Variants in LMO7 observed in about 807,000 individuals in gnomAD.
LMO7 encodes LIM domain 7, also known as LIM domain only protein 7.
LMO7 carries 120 observed loss-of-function variants against 206.5 expected under a neutral mutation model. The observed-to-expected ratio is 0.58, with a 90% CI of 0.50 to 0.68. LMO7 has a LOEUF of 0.68. Ranked by LOEUF, LMO7 falls within the 30% of genes least tolerant of loss-of-function variation. LMO7 has a pLI of 0.00. For missense variants in LMO7, 1,959 were observed against 1,957.9 expected, an observed-to-expected ratio of 1.00 and a Z score of -0.01; for synonymous variants, 706 against 681.5, an observed-to-expected ratio of 1.04 and a Z score of -0.56.
chr13:75,761,993 TA>T (rs1442321229), intron 4 of LMO7, among the ~76,000 whole-genome samples: 15 of 152,178 alleles, frequency 9.9e-5, no homozygotes, highest in Non-Finnish European at 4.4e-5. Context: ...GATGACCAAT[TA>T]TTTTTTCTGA....
intron 2 of LMO7, among the ~76,000 whole-genome samples, chr13:75,626,412 T>A (rs1354266452): frequency 2.0e-5 from 3 of 149,206 alleles, no homozygotes; most frequent in Admixed American, 6.7e-5. Context: ...TCGTGAGACT[T>A]ATTCACTATG....
chr13:75,725,858 T>G (rs746691026), intron 2 of LMO7, among the ~76,000 whole-genome samples: 1 of 152,092 alleles, frequency 6.6e-6, no homozygotes, highest in African/African-American at 2.4e-5. Flanking sequence ...TTTTATAATT[T>G]TGAATCCTGT....
intron 9 of LMO7, 30 bp downstream of exon 9, chr13:75,805,790 C>T: frequency 6.2e-7 from 1 of 1,605,650 alleles, no homozygotes; most frequent in Non-Finnish European, 8.5e-7. Context: ...TCTGTCACAC[C>T]AGTGTTCATT....
chr13:75,679,744 G>A (rs1272658364), intron 1 of LMO7, among the ~76,000 whole-genome samples: 3 of 152,110 alleles, frequency 2.0e-5, no homozygotes, highest in Non-Finnish European at 4.4e-5. Flanking sequence ...ACCACATTCA[G>A]TTAATTTTTG....
At chr13:75,727,164 G>T (rs1211154160) in intron 3 of LMO7, 66 bp downstream of exon 3, 2 of 1,006,200 alleles carry the variant, frequency 2.0e-6, no homozygotes, top group Non-Finnish European at 3.0e-6. Context: ...GTGGGCATAG[G>T]CAGATTTTTG....
intron 4 of LMO7, among the ~76,000 whole-genome samples, chr13:75,785,599 A>G (rs1416081280): frequency 6.6e-6 from 1 of 152,160 alleles, no homozygotes; most frequent in Non-Finnish European, 1.5e-5. Flanking sequence ...AAATTTTTCA[A>G]AGTTTAAGTA....
chr13:75,854,261 T>C (rs959886953), intron 28 of LMO7, among the ~76,000 whole-genome samples: 18 of 152,346 alleles, frequency 1.2e-4, no homozygotes, highest in African/African-American at 3.4e-4. Context: ...TTTAAAGCCA[T>C]CAGATAAGAG....
chr13:75,743,801 A>G (rs1465704060), intron 3 of LMO7, among the ~76,000 whole-genome samples: 3 of 152,156 alleles, frequency 2.0e-5, no homozygotes, highest in Admixed American at 1.3e-4. Flanking sequence ...CCCCCATGAC[A>G]TGAATTTACC....
At chr13:75,838,064 A>G (rs2059271127) in intron 19 of LMO7, 76 bp from the exon 20 acceptor site, 3 of 815,496 alleles carry the variant, frequency 3.7e-6, no homozygotes, top group Admixed American at 2.1e-5. Flanking sequence ...TTGGAAAGGT[A>G]TATCAAGTAT....
At chr13:75,825,203 TAA>T (rs1326605362) in intron 15 of LMO7, among the ~76,000 whole-genome samples, 2 of 152,348 alleles carry the variant, frequency 1.3e-5, no homozygotes, top group South Asian at 4.1e-4. Flanking sequence ...ATTAACATGC[TAA>T]GTCTCAGTGG....
At chr13:75,776,170 T>TATATATATATATATATATCGG (rs2050410834) in intron 4 of LMO7, among the ~76,000 whole-genome samples, 4 of 42,484 alleles carry the variant, frequency 9.4e-5, no homozygotes, top group African/African-American at 4.5e-4. Context: ...CGGATATATA[T>TATATATATATATATATATCGG]ATATATATAT....
rs569279517 is a variant in LMO7 at position 75,734,940 on chromosome 13, A to T, written c.210+7842A>T. 2.6e-5 allele frequency among the ~76,000 whole-genome samples: 4 copies of T among 152,264 alleles called. No individual in the cohort carries two copies. In the South Asian group the frequency reaches 8.3e-4, roughly 32 times the overall value. On this transcript the variant is annotated intron_variant, in intron 3 of 30. Transcript: ENST00000377534. ...CGGTGAAACCCTGTCTCTACTAAAA[A>T]TACAAAAATTAGCCAGGTATGGCTC... is the stretch of plus-strand genomic sequence containing the variant.
At chr13:75,650,219 TC>T (rs1168575524) in intron 1 of LMO7, among the ~76,000 whole-genome samples, 1 of 152,172 alleles carries the variant, frequency 6.6e-6, no homozygotes, top group East Asian at 1.9e-4. Context: ...AACCTCCACC[TC>T]TTGGGTTCAA....
intron 4 of LMO7, among the ~76,000 whole-genome samples, chr13:75,793,858 C>T (rs542073377): frequency 6.6e-6 from 1 of 152,202 alleles, no homozygotes; most frequent in South Asian, 2.1e-4. Context: ...ACTACCCTGA[C>T]TTCTAACAGC....
chr13:75,834,233 A>G lies in LMO7; in HGVS notation c.3072A>G (p.Pro1024=), dbSNP rs777797566. 1 of 1,590,700 alleles carries G rather than the reference A, an allele frequency of 6.3e-7. No individual in the cohort carries two copies. The highest frequency in any genetic ancestry group is 2.3e-5 in the East Asian group (1 of 43,618). Residue 1024 remains proline (P), a synonymous_variant, in exon 17 of 31, where the codon CCA becomes CCG. Coordinates refer to ENST00000377534, the MANE Select transcript of LMO7 (RefSeq NM_001306080.2). ...TTTATTTTGCATTTTTAGGTAGCCC[A>G]GCAGAATTTTCTCAGCTACAAGTAG... ...IFVASVEAGS[P]AEFSQLQVDD...
chr13:75,632,882 A>C (rs1403431798), upstream of LMO7, among the ~76,000 whole-genome samples: 6 of 7,174 alleles, frequency 8.4e-4, no homozygotes, highest in African/African-American at 1.7e-3. Flanking sequence ...TTTTTTTGTG[A>C]TGGAGTCTCG....
chr13:75,718,949 CT>C (rs949815210), intron 2 of LMO7, among the ~76,000 whole-genome samples: 2 of 148,916 alleles, frequency 1.3e-5, no homozygotes, highest in East Asian at 2.0e-4. Context: ...ACTTCCATGT[CT>C]TTTTATGGTT....
At chr13:75,845,743 C>T (rs1022252230) in intron 26 of LMO7, among the ~76,000 whole-genome samples, 2 of 152,034 alleles carry the variant, frequency 1.3e-5, no homozygotes, top group African/African-American at 4.8e-5. Flanking sequence ...CATACTAATT[C>T]GAATTATACA....
At position 75,623,299 on chromosome 13, in the gene LMO7, AG is replaced by A; in HGVS notation, c.206del (p.Gly69GlufsTer9). The A allele has an allele frequency of 2.1e-6, 3 of 1,451,970 alleles. No homozygotes were observed. The highest frequency in any genetic ancestry group is 1.9e-6 in the Non-Finnish European group (2 of 1,035,428). The allele number at this position is 1,451,970 out of a possible 1,614,324, so 89.9% of individuals were successfully genotyped here. A position where few individuals can be genotyped will look rare whatever the true frequency, so the allele number is the denominator to read the frequency against. ...TAATTTTGAGGACTGAACAAAATTCAGGAAGGACTATTCTCATTAAGGTAAT... is the reference window on the plus strand; with the variant it reads ...TAATTTTGAGGACTGAACAAAATTCAGAAGGACTATTCTCATTAAGGTAAT... On this transcript the variant is annotated frameshift_variant, in exon 2 of 30. Transcript: ENST00000341547. LOFTEE classifies it high-confidence loss of function.
Sources: gnomAD v4.1 joint callset for allele counts (sites outside exome capture counted in the v4.1 genomes callset) on GRCh38, gnomAD v4.1.1 for gene constraint, MANE v1.5 for transcripts, NCBI Gene and HGNC (gene_info 2026-07-23, HGNC 2026-07-21) for gene names.